CAPRIN2: variants seen among roughly 807,000 people sequenced by gnomAD.
CAPRIN2 encodes the protein caprin-2.
CAPRIN2 carries 66 observed loss-of-function variants against 130.4 expected under a neutral mutation model. The observed-to-expected ratio is 0.51, with a 90% CI of 0.42 to 0.62. The LOEUF is 0.62. Among genes scored for constraint, CAPRIN2 ranks in the 20% least tolerant of loss-of-function variants. CAPRIN2 has a pLI of 0.00. For synonymous variants in CAPRIN2, 471 were observed against 444.1 expected (o/e 1.06, Z -0.76); for missense variants, 1,185 against 1,246.6 (o/e 0.95, Z 0.74).
At chr12:30,753,583 A>G in exon 1 of CAPRIN2, 2 of 1,614,180 alleles carry the variant, frequency 1.2e-6, no homozygotes, top group Non-Finnish European at 1.7e-6. Context: ...GGGGATGAAA[A>G]GAGTTGCACC....
At position 30,728,674 on chromosome 12, in the gene CAPRIN2, T is replaced by C. The variant is rs1201034214; in HGVS notation, c.1756A>G (p.Arg586Gly). 3.1e-6 allele frequency: 5 copies of C among 1,611,078 alleles called. No individual in the cohort carries two copies. In the South Asian group the frequency reaches 4.4e-5, roughly 14 times the overall value. Residue 586 changes from arginine to glycine, a missense_variant, in exon 8 of 17, where the codon AGG (arginine) becomes GGG (glycine). By Grantham distance (125) the Arg-to-Gly change is moderately radical. Transcript: ENST00000298892. Reference sequence around the variant, plus strand: ...TCTTTGGGTTCTGTGTTCAACTTCCTGGGCAGCAGCTGGTCATTTGGTATG... The same window carrying C: ...TCTTTGGGTTCTGTGTTCAACTTCCCGGGCAGCAGCTGGTCATTTGGTATG...
intron 3 of CAPRIN2, among the ~76,000 whole-genome samples, chr12:30,740,101 T>C (rs866323304): frequency 2.6e-4 from 39 of 152,164 alleles, no homozygotes; most frequent in Admixed American, 1.3e-4. Context: ...AAGAGAATTT[T>C]AGTTCACTAT....
At chr12:30,746,244 C>T (rs111718726) in intron 2 of CAPRIN2, among the ~76,000 whole-genome samples, 2,411 of 152,158 alleles carry the variant, frequency 0.016, 61 homozygotes, top group African/African-American at 0.055. Context: ...TCAACAAAAC[C>T]CATAGAGCTG....
At chr12:30,720,593 T>G (rs537818306) in intron 12 of CAPRIN2, 1 of 366,160 alleles carries the variant, frequency 2.7e-6, no homozygotes, top group African/African-American at 2.0e-5. Flanking sequence ...GGACATTTAT[T>G]GCACTAGATA....
At chr12:30,747,773 T>C (rs1316763694) in intron 2 of CAPRIN2, among the ~76,000 whole-genome samples, 4 of 152,016 alleles carry the variant, frequency 2.6e-5, no homozygotes, top group African/African-American at 9.7e-5. Context: ...AATTGAAAAG[T>C]TTCTGGAAAA....
chr12:30,750,498 T>C (rs907296639), intron 2 of CAPRIN2, among the ~76,000 whole-genome samples: 6 of 151,588 alleles, frequency 4.0e-5, no homozygotes, highest in African/African-American at 9.7e-5. Context: ...AGTTAACCGA[T>C]GGAAAAAAAT....
chr12:30,750,927 C>T, intron 2 of CAPRIN2, 144 bp downstream of exon 3: 1 of 660,864 alleles, frequency 1.5e-6, no homozygotes, highest in East Asian at 2.7e-5. Flanking sequence ...GCACAAACAA[C>T]AAAGTCTTCT....
chr12:30,751,412 G>A (rs2073797971), intron 1 of CAPRIN2: 1 of 338,310 alleles, frequency 3.0e-6, no homozygotes, highest in African/African-American at 2.1e-5. Context: ...CTTAACCCAT[G>A]GGGACTTACC....
At chr12:30,731,452 G>C (rs1181936292) in exon 6 of CAPRIN2, 1 of 1,612,804 alleles carries the variant, frequency 6.2e-7, no homozygotes, top group East Asian at 2.2e-5. Context: ...TGGGAACTGG[G>C]ATACTTTCAA....
At chr12:30,732,282 T>C (rs1390879969) in intron 5 of CAPRIN2, among the ~76,000 whole-genome samples, 1 of 152,038 alleles carries the variant, frequency 6.6e-6, no homozygotes, top group East Asian at 1.9e-4. Context: ...ATCCCAAACT[T>C]AGCAGAGTTT....
rs774172019 is a variant in CAPRIN2 at position 30,716,621 on chromosome 12, G to T, written c.2204C>A (p.Ser735Tyr). 9.9e-6 allele frequency: 16 copies of T among 1,613,794 alleles called. No homozygotes were observed. Among genetic ancestry groups the T allele is most frequent in the Middle Eastern group, 1.6e-4 (1 of 6,082 alleles). Reference sequence around the variant, plus strand: ...TTGATTGTAGCCAGGTGAATAAGGGGATTCTTTTATTTCTTGTTCTTTTCG... The same window carrying T: ...TTGATTGTAGCCAGGTGAATAAGGGTATTCTTTTATTTCTTGTTCTTTTCG... Residue 735 changes from serine to tyrosine, a missense_variant, in exon 13 of 17, where the codon TCC becomes TAC. Transcript: ENST00000298892.
chr12:30,730,963 G>A (rs572697505), intron 6 of CAPRIN2, among the ~76,000 whole-genome samples: 33 of 151,894 alleles, frequency 2.2e-4, no homozygotes, highest in Non-Finnish European at 4.0e-4. Flanking sequence ...TCAGTATTTC[G>A]ACCTTAGGTT....
intron 3 of CAPRIN2, among the ~76,000 whole-genome samples, chr12:30,739,442 A>C (rs181498219): frequency 3.5e-4 from 53 of 152,340 alleles, no homozygotes; most frequent in African/African-American, 1.2e-3. Context: ...AGAAAAAATA[A>C]CTATTAGGTA....
At chr12:30,712,833 C>T (rs778865856) in intron 15 of CAPRIN2, among the ~76,000 whole-genome samples, 2 of 145,550 alleles carry the variant, frequency 1.4e-5, no homozygotes, top group Non-Finnish European at 3.0e-5. Flanking sequence ...CCTCCACTTG[C>T]CAGGTTCAAG....
At chr12:30,729,391 T>C in intron 7 of CAPRIN2, 66 bp from the exon 9 acceptor site, 1 of 1,120,144 alleles carries the variant, frequency 8.9e-7, no homozygotes, top group Non-Finnish European at 1.3e-6. Flanking sequence ...AATATTCAAC[T>C]CTATTAGTAT....
intron 12 of CAPRIN2, 63 bp from the exon 15 acceptor site, chr12:30,716,739 A>C: frequency 6.8e-7 from 1 of 1,466,350 alleles, no homozygotes; most frequent in Non-Finnish European, 9.3e-7. Flanking sequence ...TAAGGGTGGT[A>C]TCCAGCAAAA....
chr12:30,737,838 C>T (rs1195129523), intron 3 of CAPRIN2, among the ~76,000 whole-genome samples: 2 of 152,012 alleles, frequency 1.3e-5, no homozygotes, highest in African/African-American at 2.4e-5. Flanking sequence ...ACCTCATGAT[C>T]CGCCCGCCTC....
intron 2 of CAPRIN2, among the ~76,000 whole-genome samples, chr12:30,745,408 T>C (rs1462878055): frequency 1.3e-5 from 2 of 152,164 alleles, no homozygotes; most frequent in Admixed American, 1.3e-4. Flanking sequence ...TTTTTACTAT[T>C]TGAAAAGAGA....
intron 2 of CAPRIN2, among the ~76,000 whole-genome samples, chr12:30,746,994 C>T (rs150411609): frequency 7.2e-5 from 11 of 152,222 alleles, no homozygotes; most frequent in African/African-American, 2.6e-4. Flanking sequence ...TGCCTGGCTT[C>T]GAAGCTTCAA....
Sources: gnomAD v4.1 joint callset for allele counts (sites outside exome capture counted in the v4.1 genomes callset) on GRCh38, gnomAD v4.1.1 for gene constraint, MANE v1.5 for transcripts, NCBI Gene and HGNC (gene_info 2026-07-23, HGNC 2026-07-21) for gene names.